Variants in ADGRB3 observed in about 807,000 individuals in gnomAD.
ADGRB3 encodes the protein adhesion G protein-coupled receptor B3.
In ADGRB3, 37 loss-of-function variants were observed where a neutral mutation model predicts 193.4. The observed-to-expected ratio is 0.19, with a 90% CI of 0.15 to 0.25. The LOEUF (loss-of-function observed/expected upper bound fraction) is 0.25, where lower values mean the gene tolerates loss of function less well. Among genes scored for constraint, ADGRB3 ranks in the 10% least tolerant of loss-of-function variants. The pLI is 1.00. For missense variants in ADGRB3, 1,637 were observed against 1,852.9 expected, an observed-to-expected ratio of 0.88 and a Z score of 2.14; for synonymous variants, 690 against 644.2, an observed-to-expected ratio of 1.07 and a Z score of -1.08.
At chr6:68,861,516 C>T (rs565771203) in intron 3 of ADGRB3, among the ~76,000 whole-genome samples, 5 of 151,994 alleles carry the variant, frequency 3.3e-5, no homozygotes, top group African/African-American at 7.2e-5. Flanking sequence ...GAGCCGAGAT[C>T]GCGCCACTGC....
chr6:69,040,695 A>AAAAAAAAAAAAAAAC (rs1342196106), intron 13 of ADGRB3, among the ~76,000 whole-genome samples: 1 of 145,900 alleles, frequency 6.9e-6, no homozygotes, highest in Non-Finnish European at 1.5e-5. Flanking sequence ...AAAAAAAAAA[A>AAAAAAAAAAAAAAAC]AAAAAAAAAA....
chr6:69,334,619 C>T (rs111422770), intron 24 of ADGRB3, among the ~76,000 whole-genome samples: 5 of 152,136 alleles, frequency 3.3e-5, no homozygotes, highest in African/African-American at 7.2e-5. Flanking sequence ...CTTGTTATTA[C>T]GCCACATGTG....
chr6:69,381,037 G>T (rs757680110), intron 30 of ADGRB3, among the ~76,000 whole-genome samples: 9 of 151,712 alleles, frequency 5.9e-5, no homozygotes, highest in Non-Finnish European at 1.3e-4. Flanking sequence ...TTTTTTTTAA[G>T]TGTTCCTTAT....
chr6:69,068,808 A>G (rs777310614), intron 16 of ADGRB3, among the ~76,000 whole-genome samples: 1 of 152,186 alleles, frequency 6.6e-6, no homozygotes, highest in Non-Finnish European at 1.5e-5. Flanking sequence ...TTGTATTCCA[A>G]TCAAATAGCT....
intron 3 of ADGRB3, among the ~76,000 whole-genome samples, chr6:68,696,047 C>T (rs1287165842): frequency 6.6e-6 from 1 of 152,002 alleles, no homozygotes; most frequent in Non-Finnish European, 1.5e-5. Flanking sequence ...TGAATCTCCC[C>T]TTCCTCCTCT....
At chr6:69,239,918 C>G (rs967177384) in intron 20 of ADGRB3, among the ~76,000 whole-genome samples, 1 of 151,884 alleles carries the variant, frequency 6.6e-6, no homozygotes, top group Non-Finnish European at 1.5e-5. Context: ...GTAAACTTAC[C>G]CCTGCCTCAA....
chr6:68,815,346 G>A (rs181900473), intron 3 of ADGRB3, among the ~76,000 whole-genome samples: 1 of 152,172 alleles, frequency 6.6e-6, no homozygotes, highest in East Asian at 1.9e-4. Flanking sequence ...TCTTATATAA[G>A]GTAATTACAG....
chr6:69,067,083 T>A (rs927014686), intron 16 of ADGRB3, among the ~76,000 whole-genome samples: 3 of 152,146 alleles, frequency 2.0e-5, no homozygotes, highest in Non-Finnish European at 2.9e-5. Context: ...TTTTTCCAAA[T>A]GAAGTCTTCA....
chr6:68,998,021 TAA>T (rs952069311), intron 11 of ADGRB3, among the ~76,000 whole-genome samples: 6 of 152,188 alleles, frequency 3.9e-5, no homozygotes, highest in Admixed American at 1.3e-4. Context: ...TCAAATTATA[TAA>T]GTTATTATTG....
intron 20 of ADGRB3, among the ~76,000 whole-genome samples, chr6:69,294,829 A>G (rs951006071): frequency 6.6e-6 from 1 of 152,098 alleles, no homozygotes; most frequent in Non-Finnish European, 1.5e-5. Flanking sequence ...CTGAATACCA[A>G]TCTTTGTCCC....
intron 20 of ADGRB3, among the ~76,000 whole-genome samples, chr6:69,249,583 A>T (rs574594044): frequency 6.6e-6 from 1 of 152,202 alleles, no homozygotes; most frequent in African/African-American, 2.4e-5. Flanking sequence ...CAGAAAATAG[A>T]GATGGCAGAG....
chr6:69,048,040 G>A (rs1771287972), intron 13 of ADGRB3, 145 bp from the exon 14 acceptor site: 2 of 887,160 alleles, frequency 2.3e-6, no homozygotes, highest in East Asian at 5.3e-5. Context: ...TGTCTAATAA[G>A]ACATAAGTTA....
In ADGRB3 at chr6:68,993,813, G is replaced by A. The variant is rs1380485443; in HGVS notation, c.1780G>A (p.Gly594Arg). ...AKGQRMLAGD[G>R]MSQVTKTLLD... Reference sequence around the variant, plus strand: ...GGGGCAGCGAATGCTGGCAGGTGATGGAATGTCCCAGGTGACCAAGACACT... The same window carrying A: ...GGGGCAGCGAATGCTGGCAGGTGATAGAATGTCCCAGGTGACCAAGACACT... The change falls in exon 11 of 32, where the codon GGA (glycine) becomes AGA (arginine). Residue 594 changes from glycine (G) to arginine (R), a missense_variant. Coordinates refer to ENST00000370598, the MANE Select transcript of ADGRB3 (RefSeq NM_001704.3). The A allele has an allele frequency of 1.9e-6, 3 of 1,613,932 alleles. No homozygotes were observed. The highest frequency in any genetic ancestry group is 1.1e-5 in the South Asian group (1 of 91,068).
chr6:68,753,145 A>G (rs1245005066), intron 3 of ADGRB3, among the ~76,000 whole-genome samples: 1 of 152,204 alleles, frequency 6.6e-6, no homozygotes, highest in African/African-American at 2.4e-5. Flanking sequence ...AGTGTGGTAT[A>G]ATACACTATC....
intron 22 of ADGRB3, among the ~76,000 whole-genome samples, chr6:69,330,000 A>G (rs1185103308): frequency 4.6e-5 from 7 of 152,208 alleles, no homozygotes; most frequent in East Asian, 1.9e-4. Flanking sequence ...GAAAAATAGC[A>G]TGCAAATGTA....
chr6:69,064,506 T>G (rs1771841525), intron 16 of ADGRB3, among the ~76,000 whole-genome samples: 1 of 152,070 alleles, frequency 6.6e-6, no homozygotes, highest in Non-Finnish European at 1.5e-5. Context: ...ATCTCTTCAC[T>G]GCACTGAGAA....
chr6:69,375,698 T>G (rs1208281526), intron 30 of ADGRB3, among the ~76,000 whole-genome samples: 2 of 152,210 alleles, frequency 1.3e-5, no homozygotes, highest in African/African-American at 4.8e-5. Context: ...AGGCATTCAT[T>G]CTGAAACGCT....
chr6:69,305,863 T>G (rs899677192), intron 20 of ADGRB3, among the ~76,000 whole-genome samples: 1 of 151,464 alleles, frequency 6.6e-6, no homozygotes, highest in African/African-American at 2.4e-5. Flanking sequence ...AAACTGAAGA[T>G]TAAAAATACC....
At chr6:68,756,129 G>T (rs974178570) in intron 3 of ADGRB3, among the ~76,000 whole-genome samples, 1 of 152,086 alleles carries the variant, frequency 6.6e-6, no homozygotes, top group Non-Finnish European at 1.5e-5. Flanking sequence ...TAACTCGGCT[G>T]TGGGAAATTT....
Sources: gnomAD v4.1 joint callset for allele counts (sites outside exome capture counted in the v4.1 genomes callset) on GRCh38, gnomAD v4.1.1 for gene constraint, MANE v1.5 for transcripts, NCBI Gene and HGNC (gene_info 2026-07-23, HGNC 2026-07-21) for gene names.